GPD2: variants seen among roughly 807,000 people sequenced by gnomAD.
The protein encoded by GPD2 is glycerol-3-phosphate dehydrogenase, mitochondrial.
In GPD2, 54 loss-of-function variants were observed where a neutral mutation model predicts 82.4. That is an observed-to-expected ratio of 0.66 (90% CI 0.53 to 0.82). The LOEUF is 0.82. GPD2 is among the 40% of genes least tolerant of loss of function. The pLI is 0.00. For missense variants in GPD2, 748 were observed against 896.2 expected (o/e 0.83, Z 2.11); for synonymous variants, 288 against 306.1 (o/e 0.94, Z 0.62).
In GPD2 at chr2:156,453,575, G is replaced by C. The variant is rs369405333; in HGVS notation, c.-9+17062G>C. On this transcript the variant is annotated intron_variant, in intron 1 of 16. Transcript: ENST00000438166. ...CAGAGGTGAGGTGGTTGAGGAATTG[G>C]AGCCTTCATGTAGTTGTAGAAAACA... Among the ~76,000 whole-genome samples, 3 of 152,276 alleles carry C rather than the reference G, an allele frequency of 2.0e-5. No homozygotes were observed. In the East Asian group the frequency reaches 5.8e-4, roughly 29 times the overall value.
intron 6 of GPD2, among the ~76,000 whole-genome samples, chr2:156,523,151 C>T (rs546531347): frequency 5.1e-4 from 78 of 152,208 alleles, no homozygotes; most frequent in Middle Eastern, 3.4e-3. Context: ...TACATTCTGT[C>T]GGCTCTGATA....
At chr2:156,434,637 C>G (rs1209409239), upstream of GPD2, among the ~76,000 whole-genome samples, 1 of 152,112 alleles carries the variant, frequency 6.6e-6, no homozygotes, top group Non-Finnish European at 1.5e-5. Context: ...CTCTCTGGGC[C>G]TGATAAATTT....
chr2:156,568,585 A>G (rs149866750), intron 9 of GPD2, among the ~76,000 whole-genome samples: 318 of 152,162 alleles, frequency 2.1e-3, no homozygotes, highest in African/African-American at 7.5e-3. Flanking sequence ...TGTGGTATCA[A>G]TGTCAGTGAT....
intron 8 of GPD2, among the ~76,000 whole-genome samples, chr2:156,553,956 A>G (rs1231791792): frequency 1.3e-5 from 2 of 152,178 alleles, no homozygotes; most frequent in Non-Finnish European, 2.9e-5. Context: ...GGAGAAATTA[A>G]TATCCCCATT....
intron 1 of GPD2, among the ~76,000 whole-genome samples, chr2:156,442,447 G>A (rs1311132455): frequency 6.6e-6 from 1 of 152,178 alleles, no homozygotes; most frequent in African/African-American, 2.4e-5. Flanking sequence ...TACTTCAAAA[G>A]TGATGAAAAT....
At chr2:156,577,010 G>A (rs1325090005) in intron 13 of GPD2, among the ~76,000 whole-genome samples, 2 of 152,222 alleles carry the variant, frequency 1.3e-5, no homozygotes, top group Admixed American at 1.3e-4. Flanking sequence ...TTTTGTATAT[G>A]AGATACACAT....
At chr2:156,561,040 CTTTTTTTTTTT>C (rs35948070) in intron 9 of GPD2, among the ~76,000 whole-genome samples, 6 of 27,624 alleles carry the variant, frequency 2.2e-4, no homozygotes, top group East Asian at 1.7e-3. Context: ...TGACATTAAG[CTTTTTTTTTTT>C]TTTTTTTTTT....
At chr2:156,507,177 C>A (rs1684815640) in intron 3 of GPD2, among the ~76,000 whole-genome samples, 1 of 151,934 alleles carries the variant, frequency 6.6e-6, no homozygotes, top group East Asian at 1.9e-4. Flanking sequence ...CCGTGCCTGA[C>A]AAATTTTTTT....
At chr2:156,575,149 G>A (rs548569211) in intron 13 of GPD2, among the ~76,000 whole-genome samples, 11 of 152,116 alleles carry the variant, frequency 7.2e-5, no homozygotes, top group African/African-American at 1.7e-4. Flanking sequence ...TTAAAATACT[G>A]TAGCAAATAG....
chr2:156,538,924 AAGATATCTTTGTCAAG>A lies in GPD2; in HGVS notation c.662-10683_662-10668del, dbSNP rs1686193434. On this transcript the variant is annotated intron_variant, in intron 6 of 16. Transcript: ENST00000438166. ...ATAGCTTAAAAAACAATATCTGTTA[AAGATATCTTTGTCAAG>A]TAAGTCTGAATATTTTGCTTTTATA... 2.0e-5 allele frequency among the ~76,000 whole-genome samples: 3 copies of A among 152,078 alleles called. No homozygotes were observed. The South Asian group carries it at 6.2e-4, about 32-fold the overall frequency.
the GPD2 span, among the ~76,000 whole-genome samples, chr2:156,416,966 A>G: frequency 5.9e-5 from 9 of 152,156 alleles, no homozygotes; most frequent in Non-Finnish European, 1.5e-5. Flanking sequence ...AGAATCATTT[A>G]AATTTAAATT....
At chr2:156,442,444 A>T (rs568712982) in intron 1 of GPD2, among the ~76,000 whole-genome samples, 2 of 152,236 alleles carry the variant, frequency 1.3e-5, no homozygotes, top group Admixed American at 1.3e-4. Context: ...GTGTACTTCA[A>T]AAGTGATGAA....
chr2:156,452,415 G>A (rs950538695), intron 1 of GPD2, among the ~76,000 whole-genome samples: 7 of 152,370 alleles, frequency 4.6e-5, no homozygotes, highest in South Asian at 2.1e-4. Flanking sequence ...CCAGTCAGGC[G>A]CGGCGGCGCG....
chr2:156,482,260 C>T (rs1211633013), intron 2 of GPD2, among the ~76,000 whole-genome samples: 2 of 152,172 alleles, frequency 1.3e-5, no homozygotes, highest in African/African-American at 4.8e-5. Context: ...TGTACCAACA[C>T]TCTTCTGTTT....
At chr2:156,420,893 G>A in the GPD2 span, among the ~76,000 whole-genome samples, 1 of 152,214 alleles carries the variant, frequency 6.6e-6, no homozygotes, top group Non-Finnish European at 1.5e-5. Context: ...TATAAAAGCA[G>A]TGAAGCCCAA....
chr2:156,569,984 A>G, intron 11 of GPD2, 103 bp from the exon 12 acceptor site: 2 of 1,003,506 alleles, frequency 2.0e-6, no homozygotes, highest in Non-Finnish European at 3.1e-6. Flanking sequence ...TATTAGTTAC[A>G]GGCTGTAAGA....
intron 16 of GPD2, among the ~76,000 whole-genome samples, chr2:156,580,166 A>G (rs1687978669): frequency 6.6e-6 from 1 of 152,186 alleles, no homozygotes; most frequent in South Asian, 2.1e-4. Flanking sequence ...AAGAGGCAAC[A>G]CAAGATTTCT....
intron 2 of GPD2, 75 bp from the exon 3 acceptor site, chr2:156,495,969 C>G: frequency 9.3e-7 from 1 of 1,072,272 alleles, no homozygotes; most frequent in Non-Finnish European, 1.4e-6. Context: ...TTAGAAATTT[C>G]CTTTTAGTAT....
intron 1 of GPD2, among the ~76,000 whole-genome samples, chr2:156,446,164 C>T (rs569787409): frequency 1.4e-4 from 22 of 152,250 alleles, no homozygotes; most frequent in African/African-American, 5.1e-4. Flanking sequence ...GGGACGATCT[C>T]AGCTCACTGC....
Sources: allele counts gnomAD v4.1 joint callset (sites outside exome capture counted in the v4.1 genomes callset), GRCh38; gene constraint gnomAD v4.1.1; transcripts MANE v1.5; gene names NCBI Gene and HGNC (gene_info 2026-07-23, HGNC 2026-07-21).